NXPE1: variants seen among roughly 807,000 people sequenced by gnomAD.
NXPE1 encodes neurexophilin and PC-esterase domain family member 1, also known as NXPE family member 1.
NXPE1 carries 31 observed loss-of-function variants against 33.3 expected under a neutral mutation model. That is an observed-to-expected ratio of 0.93 (90% confidence interval 0.70 to 1.26). The LOEUF is 1.26. Ranked by LOEUF, NXPE1 falls within the 50% of genes most tolerant of loss-of-function variation. NXPE1 has a pLI of 0.00. For missense variants in NXPE1, 661 were observed against 655.6 expected, an observed-to-expected ratio of 1.01 and a Z score of -0.09; for synonymous variants, 229 against 231.4, an observed-to-expected ratio of 0.99 and a Z score of 0.09.
At chr11:114,542,648 C>G (rs1393948911) in intron 5 of NXPE1, among the ~76,000 whole-genome samples, 2 of 151,946 alleles carry the variant, frequency 1.3e-5, no homozygotes, top group Non-Finnish European at 2.9e-5. Context: ...GACATTACTT[C>G]AAATCAGATG....
exon 9 of NXPE1, chr11:114,522,053 G>T (rs1444141717): frequency 1.2e-6 from 2 of 1,613,632 alleles, no homozygotes; most frequent in African/African-American, 1.3e-5. Context: ...ATATGCAATG[G>T]TCATGTCCCA....
At chr11:114,543,172 A>C (rs148474460) in intron 5 of NXPE1, among the ~76,000 whole-genome samples, 1 of 152,052 alleles carries the variant, frequency 6.6e-6, no homozygotes, top group South Asian at 2.1e-4. Flanking sequence ...CCTGGCCAAC[A>C]TGGTGAAACT....
intron 5 of NXPE1, among the ~76,000 whole-genome samples, chr11:114,548,991 G>A (rs79645533): frequency 5.8e-4 from 88 of 152,012 alleles, no homozygotes; most frequent in Non-Finnish European, 9.7e-4. Context: ...AGGGGGAAAA[G>A]TTTAAAAGTA....
intron 5 of NXPE1, among the ~76,000 whole-genome samples, chr11:114,540,367 T>A (rs1205175151): frequency 6.6e-6 from 1 of 152,168 alleles, no homozygotes; most frequent in African/African-American, 2.4e-5. Flanking sequence ...AGCAACATGA[T>A]TAGATTTCAA....
rs745800496 is a variant in NXPE1, at chr11:114,530,189, G to A, written c.819C>T (p.Asn273=). The A allele has an allele frequency of 2.5e-6, 4 of 1,606,136 alleles. No homozygotes were observed. The Admixed American group carries it at 6.8e-5, about 27-fold the overall frequency. Residue 273 remains asparagine (N), a synonymous_variant, in exon 6 of 9, where the codon AAC becomes AAT. Transcript: ENST00000534921. ...AGTATACTCACCTGTGGAAAAGGCT[G>A]TTTTCCTTGTCTGTAAGATAAGATA...
chr11:114,536,379 A>T (rs1447655500), intron 5 of NXPE1, among the ~76,000 whole-genome samples: 1 of 152,210 alleles, frequency 6.6e-6, no homozygotes, highest in Non-Finnish European at 1.5e-5. Context: ...AGAACTAGAG[A>T]AGCAAGAGCA....
intron 5 of NXPE1, among the ~76,000 whole-genome samples, 186 bp from the exon 6 acceptor site, chr11:114,531,094 A>C (rs1947561122): frequency 6.6e-6 from 1 of 151,768 alleles, no homozygotes; most frequent in African/African-American, 2.4e-5. Flanking sequence ...GAAATGAGAT[A>C]TTATGATGAT....
chr11:114,522,221 A>G, exon 9 of NXPE1: 1 of 1,614,110 alleles, frequency 6.2e-7, no homozygotes. Flanking sequence ...TCTTAGGAAC[A>G]GTCTTTCAAT....
At chr11:114,551,179 T>A (rs1035500755) in exon 5 of NXPE1, 2 of 1,535,056 alleles carry the variant, frequency 1.3e-6, no homozygotes, top group Admixed American at 3.9e-5. Context: ...CAGCGTTTTT[T>A]GAAGCATTGT....
chr11:114,548,955 A>C (rs1477349999), intron 5 of NXPE1, among the ~76,000 whole-genome samples: 1 of 151,980 alleles, frequency 6.6e-6, no homozygotes, highest in Non-Finnish European at 1.5e-5. Flanking sequence ...ATGCAAAATT[A>C]GACATCTTTG....
chr11:114,542,552 A>G (rs1948135640), intron 5 of NXPE1, among the ~76,000 whole-genome samples: 1 of 152,234 alleles, frequency 6.6e-6, no homozygotes, highest in Non-Finnish European at 1.5e-5. Context: ...CAGTACAACT[A>G]TAAAAAATTG....
chr11:114,547,179 T>C (rs1409099842), intron 5 of NXPE1, among the ~76,000 whole-genome samples: 9 of 152,162 alleles, frequency 5.9e-5, no homozygotes, highest in Non-Finnish European at 1.5e-5. Context: ...AGAAACCTGA[T>C]GAACATCAGC....
chr11:114,545,081 T>A (rs542691728), intron 5 of NXPE1, among the ~76,000 whole-genome samples: 5 of 152,270 alleles, frequency 3.3e-5, no homozygotes, highest in African/African-American at 1.2e-4. Context: ...CTGGTGAGAA[T>A]GTAGAGCAGT....
intron 7 of NXPE1, among the ~76,000 whole-genome samples, chr11:114,523,589 A>T (rs1033862497): frequency 1.3e-5 from 2 of 152,206 alleles, no homozygotes; most frequent in Admixed American, 1.3e-4. Context: ...TAGCTTGACA[A>T]TTTTTTGTAA....
chr11:114,521,142 A>G (rs1947202086), downstream of NXPE1, among the ~76,000 whole-genome samples: 1 of 151,930 alleles, frequency 6.6e-6, no homozygotes, highest in Non-Finnish European at 1.5e-5. Context: ...TCCTTTATCT[A>G]TTAGGGTTAT....
chr11:114,521,987 A>C (rs767063991), exon 9 of NXPE1: 2 of 1,612,114 alleles, frequency 1.2e-6, no homozygotes, highest in South Asian at 2.2e-5. Flanking sequence ...GTAGTTTAAG[A>C]ACATGTTAAT....
intron 5 of NXPE1, among the ~76,000 whole-genome samples, chr11:114,540,779 A>G (rs1294011999): frequency 7.7e-6 from 1 of 130,648 alleles, no homozygotes; most frequent in Non-Finnish European, 1.6e-5. Flanking sequence ...CCTGGTTTTG[A>G]TGTGTTAGCC....
At chr11:114,523,130 A>G (rs751094536) in intron 7 of NXPE1, 39 bp from the exon 8 acceptor site, 10 of 1,439,472 alleles carry the variant, frequency 6.9e-6, no homozygotes, top group South Asian at 6.9e-5. Flanking sequence ...TTATTGGCAA[A>G]ACTTAGACAT....
At position 114,528,954 on chromosome 11, in the gene NXPE1, C is replaced by G. The variant is rs988382859; in HGVS notation, c.834-1053G>C. The G allele has an allele frequency of 1.5e-5, 7 of 453,708 alleles. No individual in the cohort carries two copies. The East Asian group carries it at 2.2e-4, about 14-fold the overall frequency. 28.1% of individuals were successfully genotyped at this position (453,708 alleles called of 1,614,324 possible). A position where few individuals can be genotyped will look rare whatever the true frequency, so the allele number is the denominator to read the frequency against. The stretch of plus-strand genomic sequence containing the variant: ...AGAGATAAAAGGGAGGGAACAGAAA[C>G]TTAACTGTGCTTTTACTTTTCAGAA... On this transcript the variant is annotated intron_variant, in intron 6 of 8. Coordinates refer to ENST00000534921, the Ensembl canonical transcript of NXPE1.
Sources: allele counts gnomAD v4.1 joint callset (sites outside exome capture counted in the v4.1 genomes callset), GRCh38; gene constraint gnomAD v4.1.1; transcripts MANE v1.5; gene names NCBI Gene and HGNC (gene_info 2026-07-23, HGNC 2026-07-21).